MGAT4C: variants seen among roughly 807,000 people sequenced by gnomAD.
The protein encoded by MGAT4C is alpha-1,3-mannosyl-glycoprotein 4-beta-N-acetylglucosaminyltransferase C.
A neutral mutation model predicts 40.1 loss-of-function variants in MGAT4C; 19 were observed. The observed-to-expected ratio is 0.47, with a 90% CI of 0.33 to 0.70. The LOEUF (loss-of-function observed/expected upper bound fraction) is 0.70. Ranked by LOEUF, MGAT4C falls within the 30% of genes least tolerant of loss-of-function variation. MGAT4C has a pLI of 0.02. For synonymous variants in MGAT4C, 181 were observed against 187.1 expected, an observed-to-expected ratio of 0.97 and a Z score of 0.27; for missense variants, 491 against 563.2, an observed-to-expected ratio of 0.87 and a Z score of 1.30.
At chr12:86,477,513 C>A (rs2136309576) in intron 2 of MGAT4C, among the ~76,000 whole-genome samples, 1 of 152,080 alleles carries the variant, frequency 6.6e-6, no homozygotes, top group African/African-American at 2.4e-5. Flanking sequence ...ACCCAGGTAA[C>A]AAACGTGCAC....
At chr12:86,269,045 T>G (rs1357029417) in intron 4 of MGAT4C, among the ~76,000 whole-genome samples, 1 of 139,656 alleles carries the variant, frequency 7.2e-6, no homozygotes, top group Non-Finnish European at 1.6e-5. Context: ...TATATATATA[T>G]ATATATATAT....
At position 85,975,103 on chromosome 12, in the gene MGAT4C, T is replaced by C. The variant is rs1215763351; in HGVS notation, c.*4186A>G. On this transcript the variant is annotated 3_prime_UTR_variant, in exon 5 of 5. Transcript: ENST00000611864. ...ATATTATTATTTGTGATGAGAGCAC[T>C]AGGGGCAATTTTGATATTTTTGATA... 2 of 150,928 alleles carry C rather than the reference T, an allele frequency of 1.3e-5. No homozygotes were observed. 9.3% of individuals were successfully genotyped at this position (150,928 alleles called of 1,614,324 possible).
At chr12:86,290,675 C>T (rs1200716485) in intron 4 of MGAT4C, among the ~76,000 whole-genome samples, 1 of 150,678 alleles carries the variant, frequency 6.6e-6, no homozygotes. Flanking sequence ...ATGTAACAAA[C>T]CTGTATATAT....
At chr12:86,078,097 G>A (rs975496900) in intron 1 of MGAT4C, among the ~76,000 whole-genome samples, 1 of 152,104 alleles carries the variant, frequency 6.6e-6, no homozygotes, top group African/African-American at 2.4e-5. Flanking sequence ...GGTGAGTGGT[G>A]CCACTTACAC....
chr12:86,315,286 G>T (rs865872685), intron 4 of MGAT4C, among the ~76,000 whole-genome samples: 2 of 152,098 alleles, frequency 1.3e-5, no homozygotes, highest in Non-Finnish European at 1.5e-5. Flanking sequence ...TTAAATAAAT[G>T]GTACTTGGAT....
chr12:86,036,406 A>G (rs1235068714), intron 2 of MGAT4C, among the ~76,000 whole-genome samples: 3 of 149,964 alleles, frequency 2.0e-5, no homozygotes, highest in Non-Finnish European at 4.5e-5. Context: ...TTTCAAAAGG[A>G]ATGCTTCCAG....
At chr12:86,206,942 C>A (rs879931364) in intron 1 of MGAT4C, among the ~76,000 whole-genome samples, 2 of 151,972 alleles carry the variant, frequency 1.3e-5, no homozygotes, top group Admixed American at 6.6e-5. Context: ...CTGCCATATG[C>A]CAGGTACTTT....
chr12:86,439,988 T>C (rs1345980430), intron 2 of MGAT4C, among the ~76,000 whole-genome samples: 1 of 151,996 alleles, frequency 6.6e-6, no homozygotes, highest in Non-Finnish European at 1.5e-5. Context: ...GACAAAAAAT[T>C]TGTCAGCAAA....
intron 2 of MGAT4C, among the ~76,000 whole-genome samples, chr12:86,452,021 A>G (rs1239619464): frequency 2.0e-5 from 3 of 151,874 alleles, no homozygotes; most frequent in African/African-American, 7.3e-5. Flanking sequence ...TTCGACCCCT[A>G]TTTTCTAGTA....
intron 2 of MGAT4C, among the ~76,000 whole-genome samples, chr12:86,436,015 T>C (rs1033234553): frequency 3.3e-5 from 5 of 151,886 alleles, no homozygotes; most frequent in Non-Finnish European, 5.9e-5. Context: ...ATAGTCTCAA[T>C]TTGTGTCACT....
At chr12:86,493,340 A>G (rs1473648927) in intron 2 of MGAT4C, among the ~76,000 whole-genome samples, 1 of 152,052 alleles carries the variant, frequency 6.6e-6, no homozygotes, top group Non-Finnish European at 1.5e-5. Context: ...ATAAAGACAC[A>G]TGAACACGTA....
intron 2 of MGAT4C, chr12:86,015,712 G>C (rs1889023136): frequency 6.6e-6 from 1 of 152,160 alleles, no homozygotes; most frequent in Non-Finnish European, 1.5e-5. Context: ...AACTCCAATG[G>C]TCCCCTCTGA....
At chr12:86,757,760 T>C (rs76476799) in intron 1 of MGAT4C, among the ~76,000 whole-genome samples, 2 of 152,292 alleles carry the variant, frequency 1.3e-5, no homozygotes, top group East Asian at 3.9e-4. Flanking sequence ...AAACCCTAGA[T>C]TTGTGCCTTC....
intron 1 of MGAT4C, among the ~76,000 whole-genome samples, chr12:86,243,908 A>G (rs1951905614): frequency 6.6e-6 from 1 of 152,236 alleles, no homozygotes; most frequent in African/African-American, 2.4e-5. Flanking sequence ...AACTTGTTAC[A>G]CAGCAATATA....
chr12:86,241,782 CCTTCA>C (rs1330342845), intron 1 of MGAT4C, among the ~76,000 whole-genome samples: 2 of 152,146 alleles, frequency 1.3e-5, no homozygotes, highest in Non-Finnish European at 2.9e-5. Flanking sequence ...CTTCTTCCAA[CCTTCA>C]CTTCAGGTGG....
chr12:86,674,139 T>G (rs543843654), intron 2 of MGAT4C, among the ~76,000 whole-genome samples: 1 of 152,292 alleles, frequency 6.6e-6, no homozygotes, highest in South Asian at 2.1e-4. Context: ...AGAGATTATG[T>G]ATAAAATGCT....
At chr12:86,587,809 A>G (rs2136443312) in intron 2 of MGAT4C, among the ~76,000 whole-genome samples, 1 of 150,918 alleles carries the variant, frequency 6.6e-6, no homozygotes, top group East Asian at 2.0e-4. Context: ...GTATCCTGAG[A>G]CTTTGCTGAA....
intron 3 of MGAT4C, among the ~76,000 whole-genome samples, chr12:86,369,188 A>T (rs1955670211): frequency 4.0e-5 from 6 of 151,820 alleles, no homozygotes; most frequent in Admixed American, 3.9e-4. Flanking sequence ...CTCTCATTTA[A>T]TTTTCCATTG....
chr12:86,239,949 C>T (rs1404344588), intron 1 of MGAT4C, among the ~76,000 whole-genome samples: 3 of 149,784 alleles, frequency 2.0e-5, no homozygotes, highest in Non-Finnish European at 4.4e-5. Flanking sequence ...GTGGGTGCAG[C>T]GCACCAGCAT....
Sources: allele counts gnomAD v4.1 joint callset (sites outside exome capture counted in the v4.1 genomes callset), GRCh38; gene constraint gnomAD v4.1.1; transcripts MANE v1.5; gene names NCBI Gene and HGNC (gene_info 2026-07-23, HGNC 2026-07-21).